Variants in PLXNA4 observed in about 807,000 individuals in gnomAD.
The protein encoded by PLXNA4 is plexin A4.
PLXNA4 carries 44 observed loss-of-function variants against 191.8 expected under a neutral mutation model. The ratio of observed to expected loss-of-function variants is 0.23; its 90% CI spans 0.18 to 0.29. PLXNA4 has a LOEUF of 0.29. Ranked by LOEUF, PLXNA4 falls within the 10% of genes least tolerant of loss-of-function variation. PLXNA4 has a pLI of 1.00. For missense variants in PLXNA4, 1,800 were observed against 2,488.8 expected (o/e 0.72, Z 5.89); for synonymous variants, 1,082 against 1,009.5 (o/e 1.07, Z -1.36).
chr7:132,243,824 G>A (rs1183242406), intron 4 of PLXNA4, among the ~76,000 whole-genome samples: 2 of 151,824 alleles, frequency 1.3e-5, no homozygotes, highest in African/African-American at 2.4e-5. Context: ...ACCTCTCCCC[G>A]ACATCCCAGA....
Position 132,303,847 on chromosome 7 carries a change from T to C in PLXNA4, c.1372-5625A>G, listed in dbSNP as rs146452285. Among the ~76,000 whole-genome samples, 1,170 of 152,230 alleles carry C rather than the reference T, an allele frequency of 7.7e-3. 62 individuals are homozygous for C. Among genetic ancestry groups the C allele is most frequent in the Admixed American group, 0.072 (1,097 of 15,280 alleles). On this transcript the variant is annotated intron_variant, in intron 3 of 31. Transcript: ENST00000321063. Reference sequence around the variant, plus strand: ...CACACAAATAATGCCAGGTGGCAAATGCTATGGCAGAGGAGTGTTCTAAGG... The same window carrying C: ...CACACAAATAATGCCAGGTGGCAAACGCTATGGCAGAGGAGTGTTCTAAGG...
intron 1 of PLXNA4, among the ~76,000 whole-genome samples, chr7:132,514,894 C>T (rs1798878219): frequency 6.6e-6 from 1 of 152,146 alleles, no homozygotes; most frequent in Admixed American, 6.5e-5. Flanking sequence ...AAATTTGAAA[C>T]ACACTTTCAG....
chr7:132,570,721 T>C (rs887481106), intron 1 of PLXNA4, among the ~76,000 whole-genome samples: 1 of 152,234 alleles, frequency 6.6e-6, no homozygotes, highest in African/African-American at 2.4e-5. Flanking sequence ...GTTCAGCGCA[T>C]TGACTGCGGA....
chr7:132,487,351 A>G (rs1280628836), intron 3 of PLXNA4, among the ~76,000 whole-genome samples: 1 of 152,210 alleles, frequency 6.6e-6, no homozygotes, highest in Non-Finnish European at 1.5e-5. Flanking sequence ...AAAGAGTTAA[A>G]GCATCCCCCA....
At chr7:132,565,633 T>C (rs2116721946) in intron 1 of PLXNA4, among the ~76,000 whole-genome samples, 1 of 152,246 alleles carries the variant, frequency 6.6e-6, no homozygotes, top group Non-Finnish European at 1.5e-5. Flanking sequence ...AGATTCCCCT[T>C]CCGCATGATT....
upstream of PLXNA4, among the ~76,000 whole-genome samples, chr7:132,579,438 CGT>C (rs113591004): frequency 0.033 from 4,743 of 145,108 alleles, 229 homozygotes; most frequent in African/African-American, 0.1. Flanking sequence ...TGTGTGTGTG[CGT>C]GTGTGTGTGT....
intron 3 of PLXNA4, among the ~76,000 whole-genome samples, chr7:132,454,091 C>T (rs1426037265): frequency 1.3e-5 from 2 of 152,208 alleles, no homozygotes; most frequent in Non-Finnish European, 2.9e-5. Context: ...ACCACACTTT[C>T]CTGTGCAGGA....
chr7:132,553,273 G>A (rs1306088930), intron 1 of PLXNA4, among the ~76,000 whole-genome samples: 3 of 152,198 alleles, frequency 2.0e-5, no homozygotes, highest in East Asian at 3.9e-4. Context: ...AAGGAAGTGT[G>A]GGGACATGGC....
chr7:132,500,096 A>G (rs996220160), intron 2 of PLXNA4, among the ~76,000 whole-genome samples: 4 of 152,306 alleles, frequency 2.6e-5, no homozygotes, highest in African/African-American at 9.6e-5. Flanking sequence ...AAACTAAGGG[A>G]CATGTGAAGG....
chr7:132,359,241 A>T, intron 3 of PLXNA4, among the ~76,000 whole-genome samples: 1 of 128,764 alleles, frequency 7.8e-6, no homozygotes, highest in East Asian at 2.3e-4. Context: ...TTTATTCCTG[A>T]GACAGAGTCT....
At chr7:132,281,385 T>C (rs1287605069) in intron 4 of PLXNA4, among the ~76,000 whole-genome samples, 1 of 152,206 alleles carries the variant, frequency 6.6e-6, no homozygotes, top group Non-Finnish European at 1.5e-5. Context: ...CTGATGTCAA[T>C]CAGCTCTTGG....
intron 2 of PLXNA4, among the ~76,000 whole-genome samples, chr7:132,499,752 T>A (rs1798172443): frequency 6.6e-6 from 1 of 152,202 alleles, no homozygotes; most frequent in Admixed American, 6.5e-5. Flanking sequence ...CACGGCAATG[T>A]ATCTTCCTCT....
chr7:132,634,174 G>C (rs1803548170), intron 2 of PLXNA4, among the ~76,000 whole-genome samples: 1 of 152,130 alleles, frequency 6.6e-6, no homozygotes, highest in Admixed American at 6.5e-5. Flanking sequence ...AGGGCACACA[G>C]GGCATCAAGG....
At chr7:132,646,125 T>C (rs933575258) in intron 1 of PLXNA4, 3 of 152,592 alleles carry the variant, frequency 2.0e-5, no homozygotes, top group Non-Finnish European at 4.4e-5. Context: ...GGTATTATTC[T>C]GATCTTTCTC....
intron 4 of PLXNA4, chr7:132,271,301 C>T (rs1800059902): frequency 6.6e-6 from 1 of 152,070 alleles, no homozygotes; most frequent in Non-Finnish European, 1.5e-5. Flanking sequence ...CTATTCTATC[C>T]TATCTCATCT....
intron 6 of PLXNA4, among the ~76,000 whole-genome samples, chr7:132,228,086 G>C (rs1798390798): frequency 6.6e-6 from 1 of 152,042 alleles, no homozygotes; most frequent in Non-Finnish European, 1.5e-5. Flanking sequence ...GTCACCCTTT[G>C]GTCATTTTTG....
chr7:132,499,575 G>T (rs1028975047), intron 2 of PLXNA4, among the ~76,000 whole-genome samples: 1 of 152,154 alleles, frequency 6.6e-6, no homozygotes, highest in South Asian at 2.1e-4. Context: ...TCTATGGCAG[G>T]CAGACTCAGC....
At chr7:132,192,275 C>T (rs1440732743) in intron 14 of PLXNA4, among the ~76,000 whole-genome samples, 1 of 152,156 alleles carries the variant, frequency 6.6e-6, no homozygotes, top group Non-Finnish European at 1.5e-5. Flanking sequence ...TATTCATCAT[C>T]CATTAACCCC....
chr7:132,455,186 C>T (rs1032598585), intron 3 of PLXNA4, among the ~76,000 whole-genome samples: 1 of 152,192 alleles, frequency 6.6e-6, no homozygotes, highest in Non-Finnish European at 1.5e-5. Context: ...GGCTGTTCCG[C>T]TGTTTGCCTC....
Sources: gnomAD v4.1 joint callset for allele counts (sites outside exome capture counted in the v4.1 genomes callset) on GRCh38, gnomAD v4.1.1 for gene constraint, MANE v1.5 for transcripts, NCBI Gene and HGNC (gene_info 2026-07-23, HGNC 2026-07-21) for gene names.